MSRA: variants seen among roughly 807,000 people sequenced by gnomAD.
MSRA encodes mitochondrial peptide methionine sulfoxide reductase.
In MSRA, 54 loss-of-function variants were observed where a neutral mutation model predicts 31.3. The observed-to-expected ratio is 1.73, with a 90% confidence interval of 1.39 to 2.17. The LOEUF (loss-of-function observed/expected upper bound fraction) is 2.17, where lower values mean the gene tolerates loss of function less well. Ranked by LOEUF, MSRA falls within the 30% of genes most tolerant of loss-of-function variation. The pLI is 0.00. For missense variants in MSRA, 507 were observed against 300.9 expected, an observed-to-expected ratio of 1.69 and a Z score of -5.07; for synonymous variants, 169 against 116.5, an observed-to-expected ratio of 1.45 and a Z score of -2.90.
chr8:10,340,155 C>T (rs1803332166), intron 5 of MSRA, among the ~76,000 whole-genome samples: 2 of 152,150 alleles, frequency 1.3e-5, no homozygotes, highest in Non-Finnish European at 2.9e-5. Context: ...GCCACAGCCG[C>T]CCATTCCCAG....
At position 10,204,810 on chromosome 8, in the gene MSRA, A is replaced by G. The variant is rs143227705; in HGVS notation, c.143-3023A>G. ...ATTTACCTCACTCGTTAATTTAACA[A>G]ATACTCATCAAATGCCCGTTCTGTG... is the stretch of plus-strand genomic sequence containing the variant. On this transcript the variant is annotated intron_variant, in intron 1 of 5. Transcript: ENST00000317173. 9.2e-5 allele frequency among the ~76,000 whole-genome samples: 14 copies of G among 152,364 alleles called. No individual in the cohort carries two copies. The East Asian group carries it at 1.2e-3, about 13-fold the overall frequency.
At chr8:10,280,773 A>C (rs1005077841) in intron 3 of MSRA, among the ~76,000 whole-genome samples, 1 of 152,258 alleles carries the variant, frequency 6.6e-6, no homozygotes, top group Non-Finnish European at 1.5e-5. Flanking sequence ...AGTGGAAACA[A>C]CCCAAACGCG....
chr8:10,399,371 G>C (rs930526487), intron 5 of MSRA, among the ~76,000 whole-genome samples: 7 of 152,196 alleles, frequency 4.6e-5, no homozygotes, highest in African/African-American at 1.7e-4. Flanking sequence ...GGTGGGCCTG[G>C]TGCCAGGTAT....
chr8:10,110,758 G>A (rs1484638), intron 1 of MSRA, among the ~76,000 whole-genome samples: 28,665 of 152,062 alleles, frequency 0.19, 3,129 homozygotes, highest in East Asian at 0.39. Context: ...GTGGTGCTGC[G>A]ATCTTTCTAT....
At chr8:10,261,663 A>C (rs1450920535) in intron 3 of MSRA, among the ~76,000 whole-genome samples, 1 of 152,208 alleles carries the variant, frequency 6.6e-6, no homozygotes, top group African/African-American at 2.4e-5. Flanking sequence ...GGCTATTAAC[A>C]TCTTAGTGTA....
At chr8:10,242,567 T>A (rs1454625008) in intron 2 of MSRA, among the ~76,000 whole-genome samples, 1 of 152,214 alleles carries the variant, frequency 6.6e-6, no homozygotes, top group Non-Finnish European at 1.5e-5. Context: ...GTGGTTTTTT[T>A]GCATCAGTTT....
intron 1 of MSRA, among the ~76,000 whole-genome samples, chr8:10,161,408 T>A (rs1030956076): frequency 6.6e-6 from 1 of 152,204 alleles, no homozygotes; most frequent in Admixed American, 6.5e-5. Flanking sequence ...CCCCAAGCAC[T>A]GCTGAATTTG....
intron 1 of MSRA, among the ~76,000 whole-genome samples, chr8:10,148,373 C>T (rs58764043): frequency 0.21 from 31,688 of 150,918 alleles, 3,800 homozygotes; most frequent in East Asian, 0.4. Context: ...TTAGGCCAGG[C>T]ACGGTGGCTC....
intron 5 of MSRA, among the ~76,000 whole-genome samples, chr8:10,331,928 A>T (rs1446477609): frequency 6.6e-6 from 1 of 152,176 alleles, no homozygotes; most frequent in Non-Finnish European, 1.5e-5. Context: ...GGATGAATCC[A>T]AGCACGCAGA....
chr8:10,081,563 C>G (rs946934972), intron 1 of MSRA, among the ~76,000 whole-genome samples: 2 of 152,118 alleles, frequency 1.3e-5, no homozygotes, highest in African/African-American at 2.4e-5. Flanking sequence ...GATCTCAGTT[C>G]ACTGCAACCT....
chr8:10,264,806 G>A (rs1451270916), intron 3 of MSRA, among the ~76,000 whole-genome samples: 1 of 152,186 alleles, frequency 6.6e-6, no homozygotes, highest in Non-Finnish European at 1.5e-5. Flanking sequence ...AGCCCAATGC[G>A]GAGGGCACTG....
At chr8:10,119,160 C>G (rs1464413469) in intron 1 of MSRA, among the ~76,000 whole-genome samples, 1 of 152,216 alleles carries the variant, frequency 6.6e-6, no homozygotes, top group African/African-American at 2.4e-5. Context: ...CACAAGAACT[C>G]TCTAAACATG....
chr8:10,345,866 T>C (rs1270664770), intron 5 of MSRA, among the ~76,000 whole-genome samples: 1 of 152,226 alleles, frequency 6.6e-6, no homozygotes, highest in Non-Finnish European at 1.5e-5. Context: ...TGGAGGCATT[T>C]CAGCTTACTC....
At chr8:10,256,411 C>T (rs577582043) in intron 3 of MSRA, among the ~76,000 whole-genome samples, 5 of 152,220 alleles carry the variant, frequency 3.3e-5, no homozygotes, top group African/African-American at 1.2e-4. Flanking sequence ...TTGACAATTA[C>T]GGATGAAGCT....
Position 10,257,324 on chromosome 8 carries a change from C to T in MSRA, c.331+12101C>T, listed in dbSNP as rs536004684. On this transcript the variant is annotated intron_variant, in intron 3 of 5. Coordinates refer to ENST00000317173, the MANE Select transcript of MSRA (RefSeq NM_012331.5). The stretch of plus-strand genomic sequence containing the variant: ...ATACCCTTACCCCCGGAACATTTGA[C>T]CTCAGAGACCTTGGGTCTCAATGCA... Among the ~76,000 whole-genome samples, 50 of 152,316 alleles carry T rather than the reference C, an allele frequency of 3.3e-4. 1 individual carries two copies. Among genetic ancestry groups the T allele is most frequent in the South Asian group, 8.3e-4 (4 of 4,826 alleles).
intron 1 of MSRA, among the ~76,000 whole-genome samples, chr8:10,153,048 AG>A (rs1803847278): frequency 1.3e-5 from 2 of 152,224 alleles, no homozygotes; most frequent in South Asian, 4.1e-4. Flanking sequence ...GCAGAGTTTC[AG>A]TTTTGCAAGG....
chr8:10,271,892 A>G (rs906407029), intron 3 of MSRA, among the ~76,000 whole-genome samples: 1 of 151,988 alleles, frequency 6.6e-6, no homozygotes, highest in Admixed American at 6.6e-5. Context: ...CTAATTTTGT[A>G]TTTTTAGTAA....
intron 5 of MSRA, among the ~76,000 whole-genome samples, chr8:10,423,477 C>A (rs1024945213): frequency 7.2e-5 from 10 of 139,576 alleles, no homozygotes; most frequent in African/African-American, 2.3e-4. Context: ...AGCTTGGCCC[C>A]GGTGCCAGGT....
chr8:10,198,848 T>C (rs1808227448), intron 1 of MSRA, among the ~76,000 whole-genome samples: 1 of 152,214 alleles, frequency 6.6e-6, no homozygotes, highest in Non-Finnish European at 1.5e-5. Flanking sequence ...AGGTTGGCTT[T>C]TGGCATTCTT....
Sources: gnomAD v4.1 joint callset for allele counts (sites outside exome capture counted in the v4.1 genomes callset) on GRCh38, gnomAD v4.1.1 for gene constraint, MANE v1.5 for transcripts, NCBI Gene and HGNC (gene_info 2026-07-23, HGNC 2026-07-21) for gene names.